Variants in C6orf89 observed in about 807,000 individuals in gnomAD.
The protein encoded by C6orf89 is chromosome 6 open reading frame 89.
A neutral mutation model predicts 40.7 loss-of-function variants in C6orf89; 29 were observed. The observed-to-expected ratio is 0.71, with a 90% confidence interval of 0.53 to 0.97. The LOEUF is 0.97. Ranked by LOEUF, C6orf89 falls within the 50% of genes least tolerant of loss-of-function variation. The pLI is 0.00. For missense variants in C6orf89, 392 were observed against 429.1 expected (o/e 0.91, Z 0.76); for synonymous variants, 165 against 152.2 (o/e 1.08, Z -0.62).
At chr6:36,889,031 C>T (rs981362829) in intron 1 of C6orf89, among the ~76,000 whole-genome samples, 5 of 151,958 alleles carry the variant, frequency 3.3e-5, no homozygotes, top group African/African-American at 1.2e-4. Flanking sequence ...GGTCTTGAAC[C>T]CTAGAGAGAG....
In C6orf89 at chr6:36,907,110, T is replaced by C. The variant is rs529520344; in HGVS notation, c.403+4676T>C. Among the ~76,000 whole-genome samples the C allele has an allele frequency of 1.1e-4, 17 of 152,240 alleles. No individual in the cohort carries two copies. The East Asian group carries it at 3.3e-3, about 29-fold the overall frequency. ...TCCCCAACTTCATTCACTCATTCAG[T>C]AAATGTTTATTGAGACCCTGCTATA... On this transcript the variant is annotated intron_variant, in intron 4 of 8. Transcript: ENST00000480824.
At chr6:36,885,922 G>A, upstream of C6orf89, 2 of 1,076,340 alleles carry the variant, frequency 1.9e-6, no homozygotes, top group Non-Finnish European at 2.4e-6. Flanking sequence ...CAGGAGTGGG[G>A]GGTTGCTTCC....
intron 1 of C6orf89, among the ~76,000 whole-genome samples, chr6:36,874,040 C>T (rs1041757529): frequency 2.0e-5 from 3 of 152,196 alleles, no homozygotes; most frequent in Non-Finnish European, 4.4e-5. Context: ...GAGACGAGCA[C>T]ACCAGGCTCC....
intron 2 of C6orf89, among the ~76,000 whole-genome samples, chr6:36,895,360 T>TA (rs575968664): frequency 1.8e-4 from 27 of 152,322 alleles, no homozygotes; most frequent in African/African-American, 6.3e-4. Flanking sequence ...GTATGGCTCT[T>TA]AATGCTTTGT....
chr6:36,887,837 C>T (rs1399778784), intron 1 of C6orf89, among the ~76,000 whole-genome samples: 1 of 152,132 alleles, frequency 6.6e-6, no homozygotes, highest in African/African-American at 2.4e-5. Context: ...CTCACCTCTG[C>T]TTCCCAAGTA....
At chr6:36,896,799 G>T (rs1245440461) in intron 2 of C6orf89, among the ~76,000 whole-genome samples, 3 of 152,036 alleles carry the variant, frequency 2.0e-5, no homozygotes, top group African/African-American at 7.2e-5. Context: ...ATAAATTTAG[G>T]TATTTGATCC....
intron 2 of C6orf89, among the ~76,000 whole-genome samples, chr6:36,897,085 C>T (rs1167117282): frequency 2.1e-5 from 3 of 145,210 alleles, no homozygotes; most frequent in Non-Finnish European, 3.0e-5. Flanking sequence ...GCCAAGATCG[C>T]GCCACTGCAC....
chr6:36,886,139 C>T, intron 1 of C6orf89, 111 bp downstream of exon 1: 1 of 974,544 alleles, frequency 1.0e-6, no homozygotes, highest in Non-Finnish European at 1.3e-6. Context: ...CTACCACCCT[C>T]TATCCCAGCG....
chr6:36,921,169 A>C (rs373426238), intron 8 of C6orf89, among the ~76,000 whole-genome samples: 2 of 141,976 alleles, frequency 1.4e-5, no homozygotes, highest in East Asian at 2.5e-4. Flanking sequence ...GAACACAGAG[A>C]TGGATGGGGA....
At chr6:36,898,467 C>T (rs1050724065) in intron 2 of C6orf89, among the ~76,000 whole-genome samples, 2 of 151,576 alleles carry the variant, frequency 1.3e-5, no homozygotes, top group Admixed American at 6.6e-5. Flanking sequence ...TTAGTAGAGG[C>T]GGGGTTTCTC....
chr6:36,913,245 A>ACT (rs145548057), intron 4 of C6orf89, among the ~76,000 whole-genome samples: 2,108 of 152,336 alleles, frequency 0.014, 41 homozygotes, highest in African/African-American at 0.047. Context: ...AGCCGCTGTC[A>ACT]CACAGCAGGG....
chr6:36,897,144 A>G (rs934099005), intron 2 of C6orf89, among the ~76,000 whole-genome samples: 1 of 151,640 alleles, frequency 6.6e-6, no homozygotes, highest in African/African-American at 2.4e-5. Flanking sequence ...AAAAAAAAAA[A>G]AAAAAAAGAA....
intron 4 of C6orf89, among the ~76,000 whole-genome samples, chr6:36,906,804 G>A (rs1031264796): frequency 6.6e-6 from 1 of 152,192 alleles, no homozygotes; most frequent in Admixed American, 6.5e-5. Flanking sequence ...ACAAGCTTCT[G>A]GAGAGCAGCC....
At chr6:36,921,365 G>A (rs1561878170) in intron 8 of C6orf89, among the ~76,000 whole-genome samples, 3 of 152,180 alleles carry the variant, frequency 2.0e-5, no homozygotes, top group South Asian at 2.1e-4. Context: ...CAGGACAGAT[G>A]GCGGTTCCTC....
intron 1 of C6orf89, among the ~76,000 whole-genome samples, chr6:36,893,659 C>T (rs760233249): frequency 6.6e-6 from 1 of 152,084 alleles, no homozygotes; most frequent in Non-Finnish European, 1.5e-5. Context: ...AGGCCAGGCG[C>T]GGTGGTTCAT....
chr6:36,886,153 A>G, intron 1 of C6orf89, 125 bp downstream of exon 1: 1 of 899,738 alleles, frequency 1.1e-6, no homozygotes, highest in East Asian at 3.3e-5. Context: ...CCCAGCGCGG[A>G]TCCCTTTTCT....
chr6:36,906,116 T>C (rs566316747), intron 4 of C6orf89, among the ~76,000 whole-genome samples: 8 of 152,348 alleles, frequency 5.3e-5, no homozygotes, highest in African/African-American at 1.9e-4. Context: ...CATTTGGAAC[T>C]CGATGCATCC....
At chr6:36,879,169 T>C (rs2150668235) in intron 2 of C6orf89, 1 of 152,330 alleles carries the variant, frequency 6.6e-6, no homozygotes, top group African/African-American at 2.4e-5. Flanking sequence ...CCTTTCCCTT[T>C]TTTATCTTTT....
At chr6:36,909,317 A>G (rs1561870234) in intron 4 of C6orf89, among the ~76,000 whole-genome samples, 1 of 151,936 alleles carries the variant, frequency 6.6e-6, no homozygotes, top group Non-Finnish European at 1.5e-5. Flanking sequence ...TGTGCATTTT[A>G]AATTTTAATA....
Sources: allele counts gnomAD v4.1 joint callset (sites outside exome capture counted in the v4.1 genomes callset), GRCh38; gene constraint gnomAD v4.1.1; transcripts MANE v1.5; gene names NCBI Gene and HGNC (gene_info 2026-07-23, HGNC 2026-07-21).